MAG: variants seen among roughly 807,000 people sequenced by gnomAD.
The protein encoded by MAG is myelin associated glycoprotein.
Under a neutral mutation model 60.7 loss-of-function variants are expected in MAG, and 30 were observed. The observed-to-expected ratio is 0.49, with a 90% confidence interval of 0.37 to 0.67. The LOEUF (loss-of-function observed/expected upper bound fraction) is 0.67, where lower values mean the gene tolerates loss of function less well. Among genes scored for constraint, MAG ranks in the 30% least tolerant of loss-of-function variants. MAG has a pLI of 0.00. For missense variants in MAG, 795 were observed against 851.7 expected (o/e 0.93, Z 0.83); for synonymous variants, 384 against 376.8 (o/e 1.02, Z -0.22).
rs748049631 is a variant in MAG, at chr19:35,302,439, A to C, written c.971-9A>C. 6.2e-7 allele frequency: 1 copy of C among 1,613,738 alleles called. No homozygotes were observed. On this transcript the variant is annotated splice_polypyrimidine_tract_variant and intron_variant, in intron 6 of 10. Coordinates refer to ENST00000392213, the MANE Select transcript of MAG (RefSeq NM_002361.4). ...GGGTTCTGACCATCAGTCCCGTCCT[A>C]CCCCGCAGATGCACCCTGGAAGCCA...
chr19:35,312,498 T>G, intron 10 of MAG: 6 of 356,658 alleles, frequency 1.7e-5, no homozygotes, highest in South Asian at 4.3e-5. Context: ...CTTCTGTCTG[T>G]GGCCACCGTC....
At chr19:35,301,793 T>C (rs2066450485) in intron 6 of MAG, among the ~76,000 whole-genome samples, 1 of 152,124 alleles carries the variant, frequency 6.6e-6, no homozygotes, top group Admixed American at 6.5e-5. Flanking sequence ...CTCGATCTCC[T>C]GACCTCAGGT....
chr19:35,308,044 G>A (rs1422058154), intron 7 of MAG, among the ~76,000 whole-genome samples: 3 of 152,198 alleles, frequency 2.0e-5, no homozygotes. Flanking sequence ...CTACGTGTGG[G>A]GCCCAGAGTG....
rs752585578 is a variant in MAG, at chr19:35,312,055, T to G, written c.1716+38T>G. On this transcript the variant is annotated intron_variant, in intron 10 of 10. Coordinates refer to ENST00000392213, the MANE Select transcript of MAG (RefSeq NM_002361.4). ...CTCCAGGCTGGCCTGGGAACCTGGATGCCAGGGACACTGAAGGCCTGGGAA... is the reference window on the plus strand; with the variant it reads ...CTCCAGGCTGGCCTGGGAACCTGGAGGCCAGGGACACTGAAGGCCTGGGAA... The G allele has an allele frequency of 1.9e-6, 3 of 1,574,770 alleles. No homozygotes were observed. In the East Asian group the frequency reaches 6.8e-5, roughly 36 times the overall value.
intron 9 of MAG, among the ~76,000 whole-genome samples, chr19:35,311,032 C>CAA (rs55833138): frequency 6.6e-6 from 1 of 150,842 alleles, no homozygotes; most frequent in Non-Finnish European, 1.5e-5. Context: ...ACATCTGGGG[C>CAA]AAAAAAAAAA....
Position 35,295,741 on chromosome 19 carries a change from T to C in MAG, c.175T>C (p.Trp59Arg). ...GCGGCCCGCTGTGGTGCATGGTGTC[T>C]GGTACTTCAATAGCCCCTACCCCAA... ...ELRPAVVHGV[W>R]YFNSPYPKNY... The change falls in exon 4 of 11, where the codon TGG becomes CGG. Residue 59 changes from tryptophan to arginine, a missense_variant. Transcript: ENST00000392213. The surrounding 1 kb of genome is among the most constrained non-coding windows in gnomAD (Gnocchi z 5.8). 6.2e-7 allele frequency: 1 copy of C among 1,613,934 alleles called. No individual in the cohort carries two copies. The highest frequency in any genetic ancestry group is 8.5e-7 in the Non-Finnish European group (1 of 1,180,016).
intron 4 of MAG, among the ~76,000 whole-genome samples, chr19:35,298,520 CCAAA>C (rs1385174442): frequency 1.2e-4 from 18 of 150,194 alleles, no homozygotes; most frequent in East Asian, 4.0e-4. Flanking sequence ...TACCTCTACA[CCAAA>C]CACACACCAT....
chr19:35,296,171 G>T (rs1311071208), intron 4 of MAG, among the ~76,000 whole-genome samples, 190 bp downstream of exon 4: 1 of 152,218 alleles, frequency 6.6e-6, no homozygotes, highest in Non-Finnish European at 1.5e-5. Flanking sequence ...ACAAAGCAGG[G>T]CCCCAAAATA....
intron 7 of MAG, among the ~76,000 whole-genome samples, chr19:35,305,348 G>A (rs995442950): frequency 2.0e-5 from 3 of 152,314 alleles, no homozygotes; most frequent in East Asian, 1.9e-4. Context: ...TGAACGGCAC[G>A]GGGCATGCAG....
In MAG at chr19:35,313,482, AC is replaced by A. The variant is rs751982695; in HGVS notation, c.*34del. 3.8e-6 allele frequency: 6 copies of A among 1,587,516 alleles called. No homozygotes were observed. The Admixed American group carries it at 5.3e-5, about 14-fold the overall frequency. Reference sequence around the variant, plus strand: ...GAGCTGGGGGCAGCCTGCGTGGCTGACCCCCCTCAGGACCCTCGCTGGCCCC... The same window carrying A: ...GAGCTGGGGGCAGCCTGCGTGGCTGACCCCCTCAGGACCCTCGCTGGCCCC... On this transcript the variant is annotated 3_prime_UTR_variant, in exon 11 of 11. Transcript: ENST00000392213.
intron 4 of MAG, among the ~76,000 whole-genome samples, chr19:35,296,344 G>A (rs760003695): frequency 6.6e-6 from 1 of 152,174 alleles, no homozygotes; most frequent in Non-Finnish European, 1.5e-5. Context: ...TTTCTTTTCC[G>A]TAAAATGGGG....
intron 4 of MAG, among the ~76,000 whole-genome samples, chr19:35,297,901 CCACACTACAAAAACCACACATCA>C (rs981880621): frequency 1.5e-5 from 2 of 137,332 alleles, no homozygotes; most frequent in Non-Finnish European, 3.2e-5. Context: ...CACACACATA[CCACACTACAAAAACCACACATCA>C]CACACTGCAC....
chr19:35,299,843 C>T lies in MAG; in HGVS notation c.705C>T (p.Asp235=). ...AGTTCGAGGGCTACGCCAGCATGGA[C>T]GTCAAGTGTGAGCCTGGGTGCGGGC... The part of the protein sequence containing the change: ...TLQFEGYASM[D]VKYPPVIVEM... The change falls in exon 5 of 11, where the codon GAC becomes GAT. Residue 235 remains aspartate, a synonymous_variant. Coordinates refer to ENST00000392213, the MANE Select transcript of MAG (RefSeq NM_002361.4). The T allele has an allele frequency of 4.4e-6, 6 of 1,374,348 alleles. No individual in the cohort carries two copies. The highest frequency in any genetic ancestry group is 5.7e-6 in the Non-Finnish European group (6 of 1,047,852). 85.1% of individuals were successfully genotyped at this position (1,374,348 alleles called of 1,614,324 possible).
chr19:35,301,789 C>T (rs1472771564), intron 6 of MAG, among the ~76,000 whole-genome samples: 1 of 152,080 alleles, frequency 6.6e-6, no homozygotes, highest in Non-Finnish European at 1.5e-5. Context: ...TGCTCTCGAT[C>T]TCCTGACCTC....
intron 7 of MAG, among the ~76,000 whole-genome samples, chr19:35,303,167 G>C (rs906478192): frequency 3.9e-5 from 6 of 152,134 alleles, no homozygotes; most frequent in Non-Finnish European, 8.8e-5. Context: ...CAGATGATCT[G>C]CCTGCCTCAG....
intron 7 of MAG, among the ~76,000 whole-genome samples, chr19:35,305,953 AGC>A (rs2066481142): frequency 2.0e-5 from 1 of 48,810 alleles, no homozygotes; most frequent in Non-Finnish European, 3.8e-5. Context: ...AGACTGTCCC[AGC>A]CCCCCACTCC....
At chr19:35,311,814 G>A in intron 9 of MAG, 104 bp from the exon 10 acceptor site, 1 of 724,692 alleles carries the variant, frequency 1.4e-6, no homozygotes, top group Non-Finnish European at 2.4e-6. Context: ...CCACATCTTA[G>A]AGATGGGTGG....
In MAG at chr19:35,313,311, G is replaced by C; in HGVS notation, c.1738G>C (p.Glu580Gln). The change falls in exon 11 of 11, where the codon GAG becomes CAG. Residue 580 changes from glutamate (E) to glutamine (Q), a missense_variant. Glu to Gln is a conservative substitution (Grantham distance 29, BLOSUM62 2). Transcript: ENST00000392213. ...KYESERRLGS[E>Q]RRLLGLRGEP... ...TTAGAGCGAGAGGCGCCTGGGATCT[G>C]AGAGGAGGCTGCTGGGCCTTCGGGG... 6.2e-7 allele frequency: 1 copy of C among 1,613,964 alleles called. No homozygotes were observed. The highest frequency in any genetic ancestry group is 8.5e-7 in the Non-Finnish European group (1 of 1,179,942).
intron 4 of MAG, among the ~76,000 whole-genome samples, chr19:35,297,888 C>A (rs1387287999): frequency 2.0e-5 from 3 of 149,574 alleles, no homozygotes; most frequent in East Asian, 4.0e-4. Context: ...CAAACACACA[C>A]CACACACACA....
Sources: allele counts gnomAD v4.1 joint callset (sites outside exome capture counted in the v4.1 genomes callset), GRCh38; gene constraint gnomAD v4.1.1; non-coding constraint Gnocchi (gnomAD v3.1); transcripts MANE v1.5; gene names NCBI Gene and HGNC (gene_info 2026-07-23, HGNC 2026-07-21).